The following RSRC1 variants were observed in gnomAD, a reference collection of about 807,000 sequenced individuals.
RSRC1 encodes the protein serine/Arginine-related protein 53.
Under a neutral mutation model 49.1 loss-of-function variants are expected in RSRC1, and 39 were observed. The observed-to-expected ratio is 0.79, with a 90% confidence interval of 0.61 to 1.04. The LOEUF (loss-of-function observed/expected upper bound fraction) is 1.04. Ranked by LOEUF, RSRC1 falls within the 50% of genes least tolerant of loss-of-function variation. The pLI, the probability that RSRC1 is intolerant of heterozygous loss-of-function variation, is 0.00. For missense variants in RSRC1, 388 were observed against 402.4 expected (o/e 0.96, Z 0.31); for synonymous variants, 143 against 130.8 (o/e 1.09, Z -0.63).
chr3:158,207,205 G>C (rs1426852701), intron 4 of RSRC1, among the ~76,000 whole-genome samples: 1 of 152,094 alleles, frequency 6.6e-6, no homozygotes, highest in African/African-American at 2.4e-5. Flanking sequence ...TTGAGATCAA[G>C]TGATATACTG....
chr3:158,173,264 A>G (rs1347013500), intron 3 of RSRC1, among the ~76,000 whole-genome samples: 1 of 152,004 alleles, frequency 6.6e-6, no homozygotes, highest in Non-Finnish European at 1.5e-5. Flanking sequence ...TGGAGCAGGC[A>G]GACCATTTGC....
intron 3 of RSRC1, among the ~76,000 whole-genome samples, chr3:158,135,889 T>G (rs1479993983): frequency 6.6e-6 from 1 of 152,182 alleles, no homozygotes; most frequent in Non-Finnish European, 1.5e-5. Flanking sequence ...CTCCCACCCA[T>G]GATCTGTAAT....
chr3:158,508,217 G>A (rs1251062657), intron 7 of RSRC1, among the ~76,000 whole-genome samples: 3 of 152,166 alleles, frequency 2.0e-5, no homozygotes, highest in Non-Finnish European at 4.4e-5. Flanking sequence ...TAGGCAATTT[G>A]AAGGCTATGA....
At chr3:158,464,836 C>T (rs1737797573) in intron 7 of RSRC1, among the ~76,000 whole-genome samples, 1 of 152,060 alleles carries the variant, frequency 6.6e-6, no homozygotes, top group Non-Finnish European at 1.5e-5. Flanking sequence ...AACAAAGGCA[C>T]AGTGCTTAAT....
At chr3:158,234,803 C>G (rs1422652392) in intron 4 of RSRC1, among the ~76,000 whole-genome samples, 1 of 152,102 alleles carries the variant, frequency 6.6e-6, no homozygotes, top group Non-Finnish European at 1.5e-5. Flanking sequence ...TCTTTAATCA[C>G]TCTTTCTTAA....
intron 8 of RSRC1, among the ~76,000 whole-genome samples, chr3:158,538,616 G>C (rs888616012): frequency 6.6e-6 from 1 of 151,664 alleles, no homozygotes; most frequent in Non-Finnish European, 1.5e-5. Context: ...CAATACACTG[G>C]GTTTTCTACT....
intron 4 of RSRC1, among the ~76,000 whole-genome samples, chr3:158,232,885 C>G (rs1723045685): frequency 6.6e-6 from 1 of 152,050 alleles, no homozygotes; most frequent in South Asian, 2.1e-4. Flanking sequence ...GTTTTTACTA[C>G]CCATGAAGAT....
intron 5 of RSRC1, among the ~76,000 whole-genome samples, chr3:158,353,769 G>A (rs1731002780): frequency 6.6e-6 from 1 of 151,568 alleles, no homozygotes; most frequent in Non-Finnish European, 1.5e-5. Flanking sequence ...TAGTTTTGAA[G>A]TGATTATTTT....
chr3:158,391,620 C>T (rs1364846663), intron 6 of RSRC1, among the ~76,000 whole-genome samples: 1 of 152,064 alleles, frequency 6.6e-6, no homozygotes, highest in Admixed American at 6.6e-5. Flanking sequence ...TCTTGGATCT[C>T]AGGGATTTTA....
intron 7 of RSRC1, among the ~76,000 whole-genome samples, chr3:158,475,966 A>C (rs574966296): frequency 1.3e-5 from 2 of 152,170 alleles, no homozygotes; most frequent in Non-Finnish European, 2.9e-5. Context: ...CAAGTTGTGA[A>C]TGCAAAGGAA....
chr3:158,470,361 C>CACATATATATAT (rs756776025), intron 7 of RSRC1, among the ~76,000 whole-genome samples: 9 of 100,304 alleles, frequency 9.0e-5, no homozygotes, highest in Non-Finnish European at 1.4e-4. Flanking sequence ...CACACACACA[C>CACATATATATAT]ATATATATAT....
intron 7 of RSRC1, among the ~76,000 whole-genome samples, chr3:158,530,198 G>A (rs1465258563): frequency 6.6e-6 from 1 of 151,848 alleles, no homozygotes. Flanking sequence ...GCCAACTTCC[G>A]TGTCTTTAGT....
At chr3:158,330,489 C>G (rs903162558) in intron 5 of RSRC1, among the ~76,000 whole-genome samples, 1 of 152,096 alleles carries the variant, frequency 6.6e-6, no homozygotes, top group African/African-American at 2.4e-5. Context: ...AGTACCCTAC[C>G]ATTTTCTGGA....
Position 158,202,562 on chromosome 3 carries a change from T to TTATATATATATATATATATATATATA in RSRC1, c.321-491_321-490insATATATATATATATATATATATATAT, listed in dbSNP as rs56789942. On this transcript the variant is annotated intron_variant, in intron 3 of 9. Transcript: ENST00000611884. ...TCTGTAGGGTTGTCAGTCTGGTAGA[T>TTATATATATATATATATATATATATA]TATATATATATATATATATGTTTTA... 8.2e-4 allele frequency among the ~76,000 whole-genome samples: 75 copies of TTATATATATATATATATATATATATA among 91,952 alleles called. 1 individual carries two copies. The highest frequency in any genetic ancestry group is 3.0e-3 in the African/African-American group (57 of 18,890). 60.3% of individuals were successfully genotyped at this position (91,952 alleles called of 152,430 possible).
At chr3:158,207,504 C>T (rs1200267463) in intron 4 of RSRC1, among the ~76,000 whole-genome samples, 4 of 152,142 alleles carry the variant, frequency 2.6e-5, no homozygotes, top group African/African-American at 7.2e-5. Context: ...AAAGGATTCA[C>T]AAACATTTAA....
At chr3:158,512,540 A>T (rs1437455726) in intron 7 of RSRC1, among the ~76,000 whole-genome samples, 5 of 152,204 alleles carry the variant, frequency 3.3e-5, no homozygotes, top group African/African-American at 9.7e-5. Flanking sequence ...GTTTGAAGTC[A>T]GGTAGTGTGA....
intron 7 of RSRC1, among the ~76,000 whole-genome samples, chr3:158,508,807 C>T (rs959928981): frequency 2.6e-5 from 4 of 152,090 alleles, no homozygotes; most frequent in East Asian, 1.9e-4. Context: ...TATCATCTCA[C>T]GTCATCACAA....
intron 6 of RSRC1, among the ~76,000 whole-genome samples, chr3:158,427,118 G>C (rs1449769285): frequency 2.0e-5 from 3 of 151,528 alleles, no homozygotes; most frequent in Admixed American, 2.0e-4. Flanking sequence ...TGCCTGTGTA[G>C]AACAGGCTAT....
At chr3:158,492,833 A>C (rs1260286677) in intron 7 of RSRC1, among the ~76,000 whole-genome samples, 1 of 152,000 alleles carries the variant, frequency 6.6e-6, no homozygotes, top group African/African-American at 2.4e-5. Context: ...TCTCCTTTCT[A>C]TCCCCACCCT....
Sources: gnomAD v4.1 joint callset for allele counts (sites outside exome capture counted in the v4.1 genomes callset) on GRCh38, gnomAD v4.1.1 for gene constraint, MANE v1.5 for transcripts, NCBI Gene and HGNC (gene_info 2026-07-23, HGNC 2026-07-21) for gene names.